Variants in SLC5A11 observed in about 807,000 individuals in gnomAD.
The protein encoded by SLC5A11 is sodium/myo-inositol cotransporter 2.
In SLC5A11, 48 loss-of-function variants were observed where a neutral mutation model predicts 69.8. The ratio of observed to expected loss-of-function variants is 0.69; its 90% CI spans 0.55 to 0.87. SLC5A11 has a LOEUF of 0.87. SLC5A11 is among the 40% of genes least tolerant of loss of function. The pLI, the probability that SLC5A11 is intolerant of heterozygous loss-of-function variation, is 0.00. For synonymous variants in SLC5A11, 319 were observed against 342.4 expected, an observed-to-expected ratio of 0.93 and a Z score of 0.75; for missense variants, 784 against 866.1, an observed-to-expected ratio of 0.91 and a Z score of 1.19.
At chr16:24,884,010 G>A (rs373362001) in intron 7 of SLC5A11, 41 bp from the exon 9 acceptor site, 4 of 1,596,960 alleles carry the variant, frequency 2.5e-6, no homozygotes, top group Non-Finnish European at 3.4e-6. Context: ...ACCCCTTCTC[G>A]TTAGACTCCC....
Position 24,901,931 on chromosome 16 carries a change from T to TACACACACAC in SLC5A11, c.1006+3839_1006+3848dup, listed in dbSNP as rs749172893. Among the ~76,000 whole-genome samples the TACACACACAC allele has an allele frequency of 7.2e-4, 99 of 138,028 alleles. 1 individual carries two copies. The highest frequency in any genetic ancestry group is 2.7e-3 in the African/African-American group (94 of 34,588). 90.6% of individuals were successfully genotyped at this position (138,028 alleles called of 152,430 possible). On this transcript the variant is annotated intron_variant, in intron 10 of 15. Coordinates refer to ENST00000347898, the Ensembl canonical transcript of SLC5A11. Reference sequence around the variant, plus strand: ...AAGATCCCATCTCTGGAAAAAAAAATACACACACACACACACACACACACA... The same window carrying TACACACACAC: ...AAGATCCCATCTCTGGAAAAAAAAATACACACACACACACACACACACACACACACACACA...
chr16:24,884,449 G>A (rs946874970), intron 8 of SLC5A11, among the ~76,000 whole-genome samples: 3 of 151,752 alleles, frequency 2.0e-5, no homozygotes, highest in Non-Finnish European at 4.4e-5. Context: ...TCTCACCTCA[G>A]CCTCCTGAGT....
At position 24,909,100 on chromosome 16, in the gene SLC5A11, C is replaced by T. The variant is rs1398013279; in HGVS notation, c.1650+4C>T. ...AGAGCCACCCTCCAAGGAGATGGTA[C>T]ATTTGGGCTGATGGCTAGATCCGTT... is the stretch of plus-strand genomic sequence containing the variant. On this transcript the variant is annotated splice_donor_region_variant and intron_variant, in intron 14 of 15. Transcript: ENST00000347898. 2 of 1,613,716 alleles carry T rather than the reference C, an allele frequency of 1.2e-6. No individual in the cohort carries two copies. Among genetic ancestry groups the T allele is most frequent in the Non-Finnish European group, 1.7e-6 (2 of 1,179,796 alleles).
At position 24,851,621 on chromosome 16, in the gene SLC5A11, A is replaced by T. The variant is rs543221537; in HGVS notation, c.-25+5183A>T. On this transcript the variant is annotated intron_variant, in intron 1 of 15. Transcript: ENST00000347898. The stretch of plus-strand genomic sequence containing the variant: ...CAGCCTCCCAAGTCATGCTTTCTTT[A>T]AAAAAAATGGTTTTATAAAATGGAC... 3.4e-4 allele frequency among the ~76,000 whole-genome samples: 52 copies of T among 152,158 alleles called. 1 individual carries two copies. The highest frequency in any genetic ancestry group is 2.5e-3 in the Admixed American group (38 of 15,274).
In SLC5A11 at chr16:24,909,077, A is replaced by C. The variant is rs1285867304; in HGVS notation, c.1631A>C (p.Glu544Ala). 3.1e-6 allele frequency: 5 copies of C among 1,614,000 alleles called. No homozygotes were observed. In the African/African-American group the frequency reaches 6.7e-5, roughly 22 times the overall value. The change falls in exon 14 of 16, where the codon GAG (glutamate) becomes GCG (alanine). Residue 544 changes from glutamate to alanine, a missense_variant. Physicochemically the swap from Glu to Ala is moderately radical, Grantham distance 107. This residue lies in a region of SLC5A11 where 550 missense variants were observed against 606.4 expected (regional missense o/e 0.91). Transcript: ENST00000347898. ...GTCTCCACCGTGAGCTGGTTCACAG[A>C]GCCACCCTCCAAGGAGATGGTACAT...
intron 8 of SLC5A11, among the ~76,000 whole-genome samples, chr16:24,889,911 T>C (rs775774005): frequency 2.6e-5 from 4 of 152,148 alleles, no homozygotes; most frequent in African/African-American, 4.8e-5. Context: ...ATTTTGATGG[T>C]TCAATATATT....
intron 14 of SLC5A11, 130 bp downstream of exon 15, chr16:24,909,226 G>A (rs2050312260): frequency 1.1e-6 from 1 of 902,684 alleles, no homozygotes; most frequent in Admixed American, 2.6e-5. Context: ...GAGGTTCAGG[G>A]GCAGGATGAT....
intron 2 of SLC5A11, 122 bp downstream of exon 3, chr16:24,858,900 A>G: frequency 1.6e-6 from 2 of 1,261,896 alleles, no homozygotes; most frequent in African/African-American, 3.0e-5. Context: ...AACTAACACA[A>G]GGTTATAGAG....
chr16:24,910,142 T>C (rs1401825498), intron 14 of SLC5A11, among the ~76,000 whole-genome samples, 164 bp from the exon 16 acceptor site: 1 of 116,602 alleles, frequency 8.6e-6, no homozygotes, highest in Non-Finnish European at 1.6e-5. Flanking sequence ...TGTTGAAGAG[T>C]GCAGGAACAT....
chr16:24,852,702 C>A (rs1230984482), intron 1 of SLC5A11, among the ~76,000 whole-genome samples: 1 of 152,222 alleles, frequency 6.6e-6, no homozygotes, highest in Non-Finnish European at 1.5e-5. Context: ...GAGATGAAAA[C>A]CCAGAGGACG....
intron 9 of SLC5A11, among the ~76,000 whole-genome samples, chr16:24,891,425 C>T (rs1567659908): frequency 1.3e-5 from 2 of 151,812 alleles, no homozygotes; most frequent in South Asian, 4.2e-4. Flanking sequence ...AGAGATCCTC[C>T]CATGTCAGCC....
intron 4 of SLC5A11, 41 bp downstream of exon 5, chr16:24,870,046 A>G (rs769305227): frequency 2.9e-6 from 4 of 1,373,010 alleles, no homozygotes; most frequent in South Asian, 2.4e-5. Context: ...TCTTACCTCT[A>G]CCTAACAGGT....
At chr16:24,845,995 G>A (rs1438145831) in exon 1 of SLC5A11, 3 of 152,382 alleles carry the variant, frequency 2.0e-5, no homozygotes, top group Non-Finnish European at 4.4e-5. Flanking sequence ...GCGTGGAGGC[G>A]GGACAGTGGA....
intron 8 of SLC5A11, among the ~76,000 whole-genome samples, chr16:24,890,507 AAAAAAAAAGAAGG>A (rs2048711581): frequency 1.7e-5 from 1 of 58,832 alleles, no homozygotes; most frequent in Non-Finnish European, 3.5e-5. Context: ...AAAAAAAAAA[AAAAAAAAAGAAGG>A]AAGGAAGGAA....
chr16:24,903,641 A>T (rs1158368195), intron 10 of SLC5A11, among the ~76,000 whole-genome samples: 2 of 152,152 alleles, frequency 1.3e-5, no homozygotes, highest in Non-Finnish European at 2.9e-5. Flanking sequence ...TTAACATAAT[A>T]TTCTCCAAGT....
At chr16:24,880,675 C>T (rs1000261917) in intron 7 of SLC5A11, among the ~76,000 whole-genome samples, 2 of 152,052 alleles carry the variant, frequency 1.3e-5, no homozygotes, top group East Asian at 1.9e-4. Flanking sequence ...CATGAGAACT[C>T]TATCACCAGA....
At chr16:24,905,944 G>C (rs1008922539) in intron 10 of SLC5A11, among the ~76,000 whole-genome samples, 2 of 152,184 alleles carry the variant, frequency 1.3e-5, no homozygotes, top group East Asian at 3.8e-4. Flanking sequence ...TGTTGGGTTT[G>C]TGGAAGAAGA....
At chr16:24,866,575 T>TAA (rs34838038) in intron 3 of SLC5A11, among the ~76,000 whole-genome samples, 2 of 126,010 alleles carry the variant, frequency 1.6e-5, no homozygotes, top group African/African-American at 3.0e-5. Flanking sequence ...AGATCCTGTC[T>TAA]AAAAAAAAAA....
rs10572531 is a variant in SLC5A11, at chr16:24,884,513, G to GT, written c.664+400dup. On this transcript the variant is annotated intron_variant, in intron 8 of 15. Transcript: ENST00000347898. ...GTCGAGCTAATTGCTTTTTTATTTT[G>GT]TTTTTTTTTTTTTTTTTTGTAGAGA... Among the ~76,000 whole-genome samples, 595 of 110,238 alleles carry GT rather than the reference G, an allele frequency of 5.4e-3. 15 individuals carry two copies. Among genetic ancestry groups the GT allele is most frequent in the African/African-American group, 0.018 (540 of 30,620 alleles). 72.3% of individuals were successfully genotyped at this position (110,238 alleles called of 152,430 possible).
Sources: gnomAD v4.1 joint callset for allele counts (sites outside exome capture counted in the v4.1 genomes callset) on GRCh38, gnomAD v4.1.1 for gene constraint, gnomAD v4.1.1 regional missense constraint, MANE v1.5 for transcripts, NCBI Gene and HGNC (gene_info 2026-07-23, HGNC 2026-07-21) for gene names.